Variants in GALK2 observed in about 807,000 individuals in gnomAD.
GALK2 encodes the protein galactokinase 2.
A neutral mutation model predicts 52.4 loss-of-function variants in GALK2; 36 were observed. The ratio of observed to expected loss-of-function variants is 0.69; its 90% CI spans 0.53 to 0.91. GALK2 has a LOEUF of 0.91. Ranked by LOEUF, GALK2 falls within the 40% of genes least tolerant of loss-of-function variation. GALK2 has a pLI of 0.00. For synonymous variants in GALK2, 176 were observed against 199.1 expected (o/e 0.88, Z 0.98); for missense variants, 579 against 559.1 (o/e 1.04, Z -0.36).
intron 3 of GALK2, chr15:49,366,180 C>G: frequency 1.2e-6 from 1 of 833,312 alleles, no homozygotes; most frequent in African/African-American, 1.7e-5. Flanking sequence ...ATAGTATAAT[C>G]AAAGTTAGGC....
chr15:49,213,880 G>T (rs1202721478), intron 2 of GALK2, among the ~76,000 whole-genome samples: 3 of 152,136 alleles, frequency 2.0e-5, no homozygotes, highest in Non-Finnish European at 4.4e-5. Flanking sequence ...CACGTTGGCA[G>T]GTGGAGGCGG....
At chr15:49,337,603 G>A (rs1183162049) in intron 3 of GALK2, among the ~76,000 whole-genome samples, 1 of 138,732 alleles carries the variant, frequency 7.2e-6, no homozygotes, top group Admixed American at 8.0e-5. Context: ...GTATACATGT[G>A]CCATGGTGGT....
At chr15:49,288,210 T>C (rs1328363708) in intron 7 of GALK2, among the ~76,000 whole-genome samples, 2 of 152,218 alleles carry the variant, frequency 1.3e-5, no homozygotes, top group Non-Finnish European at 2.9e-5. Flanking sequence ...TCTTATACAG[T>C]ATCCCTTAGT....
chr15:49,277,200 G>T (rs2031912217), intron 5 of GALK2, among the ~76,000 whole-genome samples: 1 of 64,134 alleles, frequency 1.6e-5, no homozygotes, highest in Non-Finnish European at 2.9e-5. Context: ...ACGGAGTCTC[G>T]CTCTGTCGCC....
At chr15:49,323,725 G>A (rs763475050) in intron 9 of GALK2, among the ~76,000 whole-genome samples, 2 of 152,154 alleles carry the variant, frequency 1.3e-5, no homozygotes, top group African/African-American at 4.8e-5. Flanking sequence ...TGGAGAGAAG[G>A]GGGGTTGGGA....
At chr15:49,359,984 C>G (rs570552200) in intron 3 of GALK2, among the ~76,000 whole-genome samples, 2,577 of 148,292 alleles carry the variant, frequency 0.017, 95 homozygotes, top group African/African-American at 0.062. Context: ...TAAACTATCG[C>G]AAGAACAAAA....
chr15:49,180,477 TA>T lies in GALK2; in HGVS notation c.53+10103del, dbSNP rs1276129119. 5.3e-5 allele frequency among the ~76,000 whole-genome samples: 8 copies of T among 152,352 alleles called. No individual in the cohort carries two copies. In the East Asian group the frequency reaches 1.5e-3, roughly 29 times the overall value. ...TTTCAGCATTTCTCTCTAGATATAT[TA>T]CAATGAACTGCTATTAGATCTCTTT... On this transcript the variant is annotated intron_variant, in intron 1 of 9. Transcript: ENST00000560031.
intron 3 of GALK2, chr15:49,366,631 G>A (rs1055480495): frequency 2.1e-5 from 33 of 1,583,292 alleles, no homozygotes; most frequent in Non-Finnish European, 2.7e-5. Flanking sequence ...GCTGGAGCAG[G>A]AAGCCCCAGA....
chr15:49,244,113 A>G (rs1290805666), intron 5 of GALK2, among the ~76,000 whole-genome samples: 1 of 151,990 alleles, frequency 6.6e-6, no homozygotes, highest in Non-Finnish European at 1.5e-5. Flanking sequence ...AATTATTATT[A>G]TTATTAAAAA....
At chr15:49,262,508 C>A (rs1357336837) in intron 5 of GALK2, among the ~76,000 whole-genome samples, 1 of 152,018 alleles carries the variant, frequency 6.6e-6, no homozygotes, top group Non-Finnish European at 1.5e-5. Flanking sequence ...TTGATCCTTT[C>A]AAAAAAACCA....
intron 9 of GALK2, among the ~76,000 whole-genome samples, chr15:49,321,737 C>T (rs1243086356): frequency 1.3e-5 from 2 of 152,200 alleles, no homozygotes; most frequent in East Asian, 1.9e-4. Context: ...TTTTGCCACA[C>T]GTGCCTCTCC....
chr15:49,303,739 C>G (rs766128506), intron 8 of GALK2, among the ~76,000 whole-genome samples: 5 of 152,184 alleles, frequency 3.3e-5, no homozygotes, highest in Non-Finnish European at 7.3e-5. Context: ...CCTTGCAGGC[C>G]TCTTTGTTTC....
At chr15:49,257,378 G>A (rs116323085) in intron 5 of GALK2, among the ~76,000 whole-genome samples, 1 of 152,254 alleles carries the variant, frequency 6.6e-6, no homozygotes, top group African/African-American at 2.4e-5. Context: ...ACACAGGGAG[G>A]TGGTAAAGGA....
At chr15:49,247,108 G>T (rs1258696437) in intron 5 of GALK2, among the ~76,000 whole-genome samples, 1 of 152,138 alleles carries the variant, frequency 6.6e-6, no homozygotes, top group African/African-American at 2.4e-5. Context: ...AGACCTTAGG[G>T]AGTGAGCAGC....
chr15:49,316,690 A>G (rs865960886), intron 8 of GALK2, among the ~76,000 whole-genome samples: 2 of 152,246 alleles, frequency 1.3e-5, no homozygotes, highest in Middle Eastern at 3.2e-3. Context: ...GAAATGTAAA[A>G]GTGCTTCAGA....
intron 7 of GALK2, among the ~76,000 whole-genome samples, chr15:49,291,300 T>A (rs1455774733): frequency 6.6e-6 from 1 of 152,214 alleles, no homozygotes; most frequent in Non-Finnish European, 1.5e-5. Flanking sequence ...AGCCAGGGTT[T>A]TAAAAAGAGG....
intron 5 of GALK2, among the ~76,000 whole-genome samples, chr15:49,275,346 T>A (rs929718335): frequency 6.6e-5 from 10 of 152,214 alleles, no homozygotes; most frequent in Non-Finnish European, 2.9e-5. Context: ...AAACAGAAGC[T>A]GTCACTCCAG....
At position 49,269,852 on chromosome 15, in the gene GALK2, C is replaced by G. The variant is rs191416288; in HGVS notation, c.505-12135C>G. 3.0e-3 allele frequency among the ~76,000 whole-genome samples: 459 copies of G among 152,368 alleles called. 1 individual carries two copies. Among genetic ancestry groups the G allele is most frequent in the Middle Eastern group, 0.014 (4 of 294 alleles). On this transcript the variant is annotated intron_variant, in intron 5 of 9. Coordinates refer to ENST00000560031, the MANE Select transcript of GALK2 (RefSeq NM_002044.4). ...GATTTTCCTTCTATTTAATCAAACT[C>G]TATCCTTTCTATCTATATATCCCCA...
intron 4 of GALK2, among the ~76,000 whole-genome samples, chr15:49,237,446 G>GT (rs2090874997): frequency 6.6e-6 from 1 of 151,864 alleles, no homozygotes; most frequent in Admixed American, 6.6e-5. Context: ...TGCATAATAC[G>GT]TTGTTTTTTG....
Sources: gnomAD v4.1 joint callset for allele counts (sites outside exome capture counted in the v4.1 genomes callset) on GRCh38, gnomAD v4.1.1 for gene constraint, MANE v1.5 for transcripts, NCBI Gene and HGNC (gene_info 2026-07-23, HGNC 2026-07-21) for gene names.